The following PSD3 variants were observed in gnomAD, a reference collection of about 807,000 sequenced individuals.
The protein encoded by PSD3 is pleckstrin and Sec7 domain containing 3, also known as PH and SEC7 domain-containing protein 3.
PSD3 carries 49 observed loss-of-function variants against 105.5 expected under a neutral mutation model. That is an observed-to-expected ratio of 0.46 (90% CI 0.37 to 0.59). PSD3 has a LOEUF of 0.59. Ranked by LOEUF, PSD3 falls within the 20% of genes least tolerant of loss-of-function variation. The pLI is 0.00. For synonymous variants in PSD3, 557 were observed against 457.8 expected (o/e 1.22, Z -2.77); for missense variants, 1,561 against 1,263.8 (o/e 1.24, Z -3.57).
At chr8:18,652,492 A>ATTTTTTT (rs1808570412) in intron 10 of PSD3, among the ~76,000 whole-genome samples, 4 of 79,798 alleles carry the variant, frequency 5.0e-5, no homozygotes, top group Non-Finnish European at 1.0e-4. Flanking sequence ...GAAAAAGCTT[A>ATTTTTTT]GTTTTTTTTT....
intron 14 of PSD3, among the ~76,000 whole-genome samples, chr8:18,558,285 A>G (rs1801197713): frequency 6.6e-6 from 1 of 152,234 alleles, no homozygotes; most frequent in African/African-American, 2.4e-5. Flanking sequence ...AGACTTCTTG[A>G]CAAATGATAT....
chr8:18,977,075 C>G (rs1432281210), intron 1 of PSD3, among the ~76,000 whole-genome samples: 1 of 151,998 alleles, frequency 6.6e-6, no homozygotes, highest in Non-Finnish European at 1.5e-5. Flanking sequence ...GGCTGGCCAA[C>G]ATGGTGAAAC....
intron 9 of PSD3, among the ~76,000 whole-genome samples, chr8:18,740,589 T>A (rs1341195683): frequency 6.6e-6 from 1 of 152,190 alleles, no homozygotes; most frequent in Non-Finnish European, 1.5e-5. Context: ...AGCCCCTCGG[T>A]TTCATTACCT....
At chr8:18,732,383 C>G (rs1803825137) in intron 9 of PSD3, among the ~76,000 whole-genome samples, 1 of 152,162 alleles carries the variant, frequency 6.6e-6, no homozygotes, top group African/African-American at 2.4e-5. Flanking sequence ...ACAAGCTACC[C>G]CAAAAGCGAG....
chr8:18,954,163 A>G (rs1586514760), intron 1 of PSD3, among the ~76,000 whole-genome samples: 1 of 152,146 alleles, frequency 6.6e-6, no homozygotes, highest in Admixed American at 6.5e-5. Context: ...CATCTTAAGG[A>G]CCATCTGTAT....
At chr8:18,616,230 T>C (rs527666518) in intron 11 of PSD3, among the ~76,000 whole-genome samples, 2 of 152,376 alleles carry the variant, frequency 1.3e-5, no homozygotes, top group African/African-American at 4.8e-5. Flanking sequence ...TCAGACCACG[T>C]TTCTTCCATT....
intron 1 of PSD3, among the ~76,000 whole-genome samples, chr8:19,074,026 G>A (rs1330941466): frequency 6.6e-6 from 1 of 152,006 alleles, no homozygotes; most frequent in Non-Finnish European, 1.5e-5. Context: ...TCCTGACCTC[G>A]TGATCCGCCC....
chr8:18,752,087 CTG>C (rs1334980476), intron 9 of PSD3, among the ~76,000 whole-genome samples: 2 of 151,094 alleles, frequency 1.3e-5, no homozygotes, highest in African/African-American at 4.9e-5. Flanking sequence ...ACTCGGGAGG[CTG>C]TGTCAGGAGA....
chr8:18,537,573 C>A (rs1399243498), intron 15 of PSD3, among the ~76,000 whole-genome samples: 1 of 152,126 alleles, frequency 6.6e-6, no homozygotes, highest in Non-Finnish European at 1.5e-5. Flanking sequence ...GATATTGTGA[C>A]CAGTAAGACG....
chr8:18,584,931 ATG>A (rs766077574), intron 12 of PSD3, among the ~76,000 whole-genome samples: 4 of 152,164 alleles, frequency 2.6e-5, no homozygotes, highest in Non-Finnish European at 5.9e-5. Flanking sequence ...GAGCGGAGGC[ATG>A]TGTCTGATCT....
At chr8:18,691,254 T>C (rs1800959187) in intron 9 of PSD3, among the ~76,000 whole-genome samples, 1 of 152,208 alleles carries the variant, frequency 6.6e-6, no homozygotes, top group African/African-American at 2.4e-5. Context: ...ACCTCATTTT[T>C]TCCCCCTCAT....
intron 8 of PSD3, among the ~76,000 whole-genome samples, chr8:18,769,301 G>C (rs997978311): frequency 1.3e-5 from 2 of 152,082 alleles, no homozygotes; most frequent in African/African-American, 4.8e-5. Flanking sequence ...TTTTTGATAT[G>C]TGATCTGCAA....
chr8:18,821,719 C>CACACA (rs1563312321), intron 4 of PSD3, among the ~76,000 whole-genome samples: 842 of 20,226 alleles, frequency 0.042, 9 homozygotes, highest in African/African-American at 0.077. Flanking sequence ...ACACACACAC[C>CACACA]CCAATAACAA....
intron 2 of PSD3, among the ~76,000 whole-genome samples, chr8:18,902,484 T>C (rs189913592): frequency 4.8e-4 from 73 of 152,360 alleles, no homozygotes; most frequent in Non-Finnish European, 8.7e-4. Flanking sequence ...CACCAAGTCA[T>C]TGAATTCTTT....
chr8:18,588,456 C>A (rs17518171), intron 12 of PSD3, among the ~76,000 whole-genome samples: 28,130 of 152,092 alleles, frequency 0.18, 3,300 homozygotes, highest in Non-Finnish European at 0.27. Context: ...CATGGCCACC[C>A]TTTTGCAGGC....
chr8:18,607,698 AAAC>A lies in PSD3; in HGVS notation c.2411-7267_2411-7265del, dbSNP rs1563372516. On this transcript the variant is annotated intron_variant, in intron 11 of 15. Coordinates refer to ENST00000327040, the MANE Select transcript of PSD3 (RefSeq NM_015310.4). ...TCCACTGCTACAAAAAAAAAAAACA[AAAC>A]AAAAAAAAAAAGGAAGTCAGGTGTA... Among the ~76,000 whole-genome samples the A allele has an allele frequency of 2.2e-4, 20 of 90,994 alleles. 4 individuals carry two copies. The highest frequency in any genetic ancestry group is 4.5e-3 in the Middle Eastern group (1 of 224). 59.7% of individuals were successfully genotyped at this position (90,994 alleles called of 152,430 possible). A position where few individuals can be genotyped will look rare whatever the true frequency, so the allele number is the denominator to read the frequency against.
chr8:18,752,575 A>ATAT (rs1307300324), intron 9 of PSD3, among the ~76,000 whole-genome samples: 2 of 31,714 alleles, frequency 6.3e-5, no homozygotes, highest in African/African-American at 2.8e-4. Flanking sequence ...TTATATATAT[A>ATAT]ATTATATATA....
At chr8:18,922,250 C>T (rs1021240019) in intron 2 of PSD3, among the ~76,000 whole-genome samples, 6 of 152,154 alleles carry the variant, frequency 3.9e-5, no homozygotes, top group African/African-American at 1.2e-4. Flanking sequence ...CACGTCCTAA[C>T]GGAACCCAAA....
intron 9 of PSD3, among the ~76,000 whole-genome samples, chr8:18,658,867 G>A (rs941387306): frequency 2.6e-5 from 4 of 151,926 alleles, no homozygotes; most frequent in East Asian, 1.9e-4. Flanking sequence ...ATCTCAATTC[G>A]CCTCTTTCTA....
Sources: allele counts gnomAD v4.1 joint callset (sites outside exome capture counted in the v4.1 genomes callset), GRCh38; gene constraint gnomAD v4.1.1; transcripts MANE v1.5; gene names NCBI Gene and HGNC (gene_info 2026-07-23, HGNC 2026-07-21).